Variants in CEP290 observed in about 807,000 individuals in gnomAD.
CEP290 encodes centrosomal protein 290, also known as centrosomal protein of 290 kDa.
CEP290 carries 317 observed loss-of-function variants against 344.9 expected under a neutral mutation model. That is an observed-to-expected ratio of 0.92 (90% confidence interval 0.84 to 1.01). The LOEUF is 1.01. CEP290 is among the 50% of genes least tolerant of loss of function. CEP290 has a pLI of 0.00. For missense variants in CEP290, 2,754 were observed against 2,761.4 expected (o/e 1.00, Z 0.06); for synonymous variants, 932 against 895.8 (o/e 1.04, Z -0.72).
chr12:88,052,738 TTC>T (rs560570590), intron 52 of CEP290, among the ~76,000 whole-genome samples: 4 of 152,066 alleles, frequency 2.6e-5, no homozygotes, highest in Non-Finnish European at 5.9e-5. Context: ...TCCTGGTAAA[TTC>T]TATTTATTTA....
In CEP290 at chr12:88,093,757, TATA is replaced by T; in HGVS notation, c.3309+10_3309+12del. ...TATTCTATAATTGTATGATAAAACT[TATA>T]ATATCAAACCTCAGCAAATTTGGTT... is the stretch of plus-strand genomic sequence containing the variant. On this transcript the variant is annotated intron_variant, in intron 28 of 53. Coordinates refer to ENST00000552810, the MANE Select transcript of CEP290 (RefSeq NM_025114.4). The T allele has an allele frequency of 6.4e-7, 1 of 1,568,878 alleles. No individual in the cohort carries two copies. The highest frequency in any genetic ancestry group is 1.1e-5 in the South Asian group (1 of 87,334).
At chr12:88,128,495 AG>A (rs2039867552) in intron 11 of CEP290, among the ~76,000 whole-genome samples, 1 of 152,144 alleles carries the variant, frequency 6.6e-6, no homozygotes, top group Admixed American at 6.6e-5. Flanking sequence ...GAGGAAGAAA[AG>A]TGTATTTTGA....
At position 88,106,724 on chromosome 12, in the gene CEP290, GACA is replaced by G. The variant is rs2038306260; in HGVS notation, c.2765_2767del (p.Leu922del). 2.5e-6 allele frequency: 4 copies of G among 1,611,620 alleles called. No individual in the cohort carries two copies. Among genetic ancestry groups the G allele is most frequent in the Non-Finnish European group, 3.4e-6 (4 of 1,178,950 alleles). ...TTTTTCACAAACTTCAGCCTCCATT[GACA>G]ACAATTCATTCTTTTGCTTCTCATT... On this transcript the variant is annotated inframe_deletion, in exon 25 of 54. Transcript: ENST00000552810.
intron 17 of CEP290, 41 bp from the exon 18 acceptor site, chr12:88,117,186 AC>A: frequency 1.1e-6 from 1 of 933,728 alleles, no homozygotes. Flanking sequence ...CATTAAAATA[AC>A]CCTCCTACTA....
chr12:88,124,975 T>C (rs1296069054), intron 13 of CEP290, among the ~76,000 whole-genome samples: 1 of 151,984 alleles, frequency 6.6e-6, no homozygotes, highest in Non-Finnish European at 1.5e-5. Flanking sequence ...AATAATTGTA[T>C]CACAATTTTT....
chr12:88,115,216 T>G (rs1222410242), intron 18 of CEP290, 34 bp from the exon 19 acceptor site: 1 of 1,100,050 alleles, frequency 9.1e-7, no homozygotes, highest in South Asian at 1.5e-5. Flanking sequence ...ATTGATTTTT[T>G]TCAACAAAAT....
rs2137918879 is a variant in CEP290 at position 88,121,079 on chromosome 12, G to A, written c.1277C>T (p.Thr426Ile). The change falls in exon 14 of 54, where the codon ACA (threonine) becomes ATA (isoleucine). Residue 426 changes from threonine (T) to isoleucine (I), a missense_variant. Physicochemically the swap from Thr to Ile is moderately conservative, Grantham distance 89. Transcript: ENST00000552810. ...LKEKTKEAER[T>I]AELAEADARE... is the part of the protein sequence containing the mutation. ...AGCATCAGCCTCAGCCAGTTCAGCT[G>A]TTCTCTCAGCCTCTTTAGTTTTCTC... 1 of 1,613,444 alleles carries A rather than the reference G, an allele frequency of 6.2e-7. No homozygotes were observed. Among genetic ancestry groups the A allele is most frequent in the East Asian group, 2.2e-5 (1 of 44,854 alleles).
At chr12:88,070,314 T>C (rs2035275159) in intron 43 of CEP290, among the ~76,000 whole-genome samples, 1 of 152,228 alleles carries the variant, frequency 6.6e-6, no homozygotes. Flanking sequence ...ATTTACCTTT[T>C]CTTTTATTCT....
chr12:88,068,719 G>A, intron 43 of CEP290, 74 bp from the exon 44 acceptor site: 2 of 1,449,574 alleles, frequency 1.4e-6, no homozygotes, highest in Middle Eastern at 2.0e-4. Context: ...AAAAATACAA[G>A]ATAAAAAAAG....
At position 88,059,295 on chromosome 12, in the gene CEP290, A is replaced by G. The variant is rs12426625; in HGVS notation, c.6646-275T>C. The stretch of plus-strand genomic sequence containing the variant: ...ACACTTTGTTCCTCTATATTTTTAG[A>G]AAAATGGGATAGTTTATACCTTTAC... On this transcript the variant is annotated intron_variant, in intron 48 of 53. Transcript: ENST00000552810. Among the ~76,000 whole-genome samples, 20,952 of 152,224 alleles carry G rather than the reference A, an allele frequency of 0.14. 1,928 individuals are homozygous for G. Among genetic ancestry groups the G allele is most frequent in the Non-Finnish European group, 0.2 (13,754 of 67,986 alleles).
At chr12:88,102,070 G>A (rs552859076) in intron 26 of CEP290, among the ~76,000 whole-genome samples, 1 of 152,210 alleles carries the variant, frequency 6.6e-6, no homozygotes, top group South Asian at 2.1e-4. Flanking sequence ...CCTGTGAAAG[G>A]ATCTTAGATA....
chr12:88,120,761 G>A (rs971175457), intron 14 of CEP290, among the ~76,000 whole-genome samples: 1 of 152,110 alleles, frequency 6.6e-6, no homozygotes, highest in Non-Finnish European at 1.5e-5. Context: ...TAATCCTGCT[G>A]CTTCACCAAA....
At chr12:88,140,114 C>T (rs2040562213) in intron 3 of CEP290, among the ~76,000 whole-genome samples, 1 of 152,110 alleles carries the variant, frequency 6.6e-6, no homozygotes, top group Admixed American at 6.5e-5. Context: ...ATTTTTGATT[C>T]TCCTTTTTAC....
rs750049263 is a variant in CEP290 at position 88,084,751 on chromosome 12, T to C, written c.4539A>G (p.Ala1513=). 1 of 1,613,742 alleles carries C rather than the reference T, an allele frequency of 6.2e-7. No homozygotes were observed. The highest frequency in any genetic ancestry group is 8.5e-7 in the Non-Finnish European group (1 of 1,179,718). ...NELRLRLPAT[A]EREKLIAELG... Reference sequence around the variant, plus strand: ...GCTCAGCTATGAGCTTTTCTCTTTCTGCAGTGGCAGGCAATCGAAGCCTCA... The same window carrying C: ...GCTCAGCTATGAGCTTTTCTCTTTCCGCAGTGGCAGGCAATCGAAGCCTCA... Residue 1513 remains alanine (A), a synonymous_variant, in exon 35 of 54, where the codon GCA becomes GCG. Transcript: ENST00000552810.
At chr12:88,077,494 T>C (rs2137053410) in intron 40 of CEP290, 150 bp from the exon 41 acceptor site, 1 of 670,792 alleles carries the variant, frequency 1.5e-6, no homozygotes, top group African/African-American at 1.8e-5. Context: ...ATCTGGTAGC[T>C]GCTTCTGCAT....
chr12:88,063,873 A>G, intron 45 of CEP290, 108 bp downstream of exon 45: 2 of 885,010 alleles, frequency 2.3e-6, no homozygotes, highest in Non-Finnish European at 3.4e-6. Flanking sequence ...ACCATGATAT[A>G]TTAGGAATAT....
At chr12:88,063,620 T>A (rs2034656740) in intron 45 of CEP290, among the ~76,000 whole-genome samples, 1 of 152,030 alleles carries the variant, frequency 6.6e-6, no homozygotes, top group African/African-American at 2.4e-5. Context: ...TATTTTCAGT[T>A]ACACCCCTTC....
In CEP290 at chr12:88,063,968, A is replaced by T; in HGVS notation, c.6270+13T>A. ...TAGGCATTAGATTTCCTAATAAAAA[A>T]CATTAAATTCACCTTTAATCTTGGC... On this transcript the variant is annotated intron_variant, in intron 45 of 53. Transcript: ENST00000552810. 1 of 1,580,608 alleles carries T rather than the reference A, an allele frequency of 6.3e-7. No individual in the cohort carries two copies. Among genetic ancestry groups the T allele is most frequent in the Non-Finnish European group, 8.6e-7 (1 of 1,164,358 alleles).
chr12:88,049,133 A>C lies in CEP290; in HGVS notation c.*51T>G, dbSNP rs1039368802. 7 of 1,101,108 alleles carry C rather than the reference A, an allele frequency of 6.4e-6. No individual in the cohort carries two copies. In the African/African-American group the frequency reaches 1.1e-4, roughly 18 times the overall value. The allele number at this position is 1,101,108 out of a possible 1,614,324, so 68.2% of individuals were successfully genotyped here. ...GAACTGCTTATTTCCAAGTATATTTAACTTATAAAGTTAATAAATAGTTAA... is the reference window on the plus strand; with the variant it reads ...GAACTGCTTATTTCCAAGTATATTTCACTTATAAAGTTAATAAATAGTTAA... On this transcript the variant is annotated 3_prime_UTR_variant, in exon 54 of 54. Coordinates refer to ENST00000552810, the MANE Select transcript of CEP290 (RefSeq NM_025114.4).
Sources: gnomAD v4.1 joint callset for allele counts (sites outside exome capture counted in the v4.1 genomes callset) on GRCh38, gnomAD v4.1.1 for gene constraint, MANE v1.5 for transcripts, NCBI Gene and HGNC (gene_info 2026-07-23, HGNC 2026-07-21) for gene names.